Variants in RNGTT observed in about 807,000 individuals in gnomAD.
The protein encoded by RNGTT is mRNA-capping enzyme.
In RNGTT, 33 loss-of-function variants were observed where a neutral mutation model predicts 79.3. The ratio of observed to expected loss-of-function variants is 0.42; its 90% CI spans 0.32 to 0.56. The LOEUF is 0.56. Ranked by LOEUF, RNGTT falls within the 20% of genes least tolerant of loss-of-function variation. RNGTT has a pLI of 0.17. For synonymous variants in RNGTT, 222 were observed against 235.9 expected (o/e 0.94, Z 0.54); for missense variants, 497 against 739.1 (o/e 0.67, Z 3.80).
chr6:88,814,311 C>G (rs1280664721), intron 11 of RNGTT, among the ~76,000 whole-genome samples: 2 of 152,120 alleles, frequency 1.3e-5, no homozygotes, highest in Non-Finnish European at 2.9e-5. Context: ...GGTGAATTTC[C>G]TTTCTTCAAA....
chr6:88,674,496 T>C (rs371441992), intron 14 of RNGTT, among the ~76,000 whole-genome samples: 29 of 151,852 alleles, frequency 1.9e-4, no homozygotes, highest in African/African-American at 6.8e-4. Flanking sequence ...CTGCAGTGAG[T>C]TGTGATTGTG....
At chr6:88,692,453 C>CA (rs71754733) in intron 13 of RNGTT, among the ~76,000 whole-genome samples, 259 of 133,074 alleles carry the variant, frequency 1.9e-3, no homozygotes, top group African/African-American at 2.7e-3. Flanking sequence ...TAATACTCAG[C>CA]AAAAAAAAAA....
At chr6:88,658,905 T>G (rs747787216) in intron 14 of RNGTT, among the ~76,000 whole-genome samples, 84 of 152,268 alleles carry the variant, frequency 5.5e-4, no homozygotes, top group Non-Finnish European at 9.7e-4. Flanking sequence ...GGCCACAGAC[T>G]GAAGGCTGCA....
At chr6:88,820,640 A>G (rs540201758) in intron 11 of RNGTT, among the ~76,000 whole-genome samples, 1 of 152,320 alleles carries the variant, frequency 6.6e-6, no homozygotes, top group South Asian at 2.1e-4. Flanking sequence ...TGGTATACAG[A>G]AAAAATATCA....
At chr6:88,773,403 T>C (rs1778763542) in intron 12 of RNGTT, among the ~76,000 whole-genome samples, 1 of 149,746 alleles carries the variant, frequency 6.7e-6, no homozygotes, top group African/African-American at 2.4e-5. Flanking sequence ...CGCACCAGCA[T>C]GGCACATGTA....
chr6:88,860,287 T>C (rs1304850145), intron 8 of RNGTT, among the ~76,000 whole-genome samples: 1 of 152,176 alleles, frequency 6.6e-6, no homozygotes, highest in Non-Finnish European at 1.5e-5. Flanking sequence ...TACTGAGCCA[T>C]GGGGCATTTA....
chr6:88,734,141 G>A (rs942492053), intron 13 of RNGTT, among the ~76,000 whole-genome samples: 2 of 152,078 alleles, frequency 1.3e-5, no homozygotes, highest in Admixed American at 1.3e-4. Flanking sequence ...ACAGCATATA[G>A]TTCAGTGAAA....
chr6:88,799,779 CAAGA>C (rs1024141240), intron 12 of RNGTT, among the ~76,000 whole-genome samples: 1 of 151,136 alleles, frequency 6.6e-6, no homozygotes, highest in African/African-American at 2.4e-5. Context: ...ACTAGACATC[CAAGA>C]AAGAGACTCA....
At chr6:88,890,378 A>T in intron 8 of RNGTT, 117 bp downstream of exon 8, 1 of 647,972 alleles carries the variant, frequency 1.5e-6, no homozygotes. Context: ...TGAAACATTT[A>T]TTTTGCTATT....
chr6:88,687,790 G>C (rs1268313559), intron 13 of RNGTT, among the ~76,000 whole-genome samples: 1 of 152,174 alleles, frequency 6.6e-6, no homozygotes, highest in East Asian at 1.9e-4. Context: ...AAACTAAAGA[G>C]ACTGGTTTCC....
chr6:88,713,738 T>G (rs1421446264), intron 13 of RNGTT, among the ~76,000 whole-genome samples: 2 of 152,246 alleles, frequency 1.3e-5, no homozygotes, highest in Non-Finnish European at 2.9e-5. Context: ...AGAAAATATT[T>G]TTTTAAAATT....
At chr6:88,739,725 T>TTATATATATATATATA (rs367967175) in intron 13 of RNGTT, among the ~76,000 whole-genome samples, 6 of 94,156 alleles carry the variant, frequency 6.4e-5, no homozygotes, top group African/African-American at 9.2e-5. Flanking sequence ...GTGAAAAAAA[T>TTATATATATATATATA]TATATATATA....
At chr6:88,827,713 C>T (rs926133513) in intron 11 of RNGTT, among the ~76,000 whole-genome samples, 9 of 152,122 alleles carry the variant, frequency 5.9e-5, no homozygotes, top group African/African-American at 9.7e-5. Context: ...GGGGGAGGGG[C>T]GTCTGCCATT....
At chr6:88,904,137 G>T (rs547767393) in intron 6 of RNGTT, among the ~76,000 whole-genome samples, 27 of 152,134 alleles carry the variant, frequency 1.8e-4, no homozygotes, top group African/African-American at 6.3e-4. Flanking sequence ...ACAATACTTT[G>T]TAAAGAAATA....
chr6:88,683,082 G>A (rs550587487), intron 13 of RNGTT, among the ~76,000 whole-genome samples: 1 of 152,100 alleles, frequency 6.6e-6, no homozygotes, highest in South Asian at 2.1e-4. Context: ...CAAGAAATTA[G>A]AAAAATGACA....
At chr6:88,686,430 GA>G in intron 13 of RNGTT, among the ~76,000 whole-genome samples, 1 of 151,828 alleles carries the variant, frequency 6.6e-6, no homozygotes, top group Non-Finnish European at 1.5e-5. Context: ...AAGCTCATTC[GA>G]AAATATATGA....
At chr6:88,833,393 G>A (rs942928948) in intron 11 of RNGTT, among the ~76,000 whole-genome samples, 1 of 152,074 alleles carries the variant, frequency 6.6e-6, no homozygotes, top group African/African-American at 2.4e-5. Flanking sequence ...TGGACACAGG[G>A]AGGGGAACAT....
At chr6:88,897,220 C>T (rs1045177218) in intron 6 of RNGTT, among the ~76,000 whole-genome samples, 7 of 152,140 alleles carry the variant, frequency 4.6e-5, no homozygotes, top group African/African-American at 1.7e-4. Flanking sequence ...AGCCTCAGTG[C>T]CCCTTACCCT....
chr6:88,632,514 A>G (rs1421808642), intron 14 of RNGTT, among the ~76,000 whole-genome samples: 2 of 148,482 alleles, frequency 1.3e-5, no homozygotes, highest in African/African-American at 5.0e-5. Flanking sequence ...CAGTTTATAT[A>G]GCAACCAACT....
Sources: gnomAD v4.1 joint callset for allele counts (sites outside exome capture counted in the v4.1 genomes callset) on GRCh38, gnomAD v4.1.1 for gene constraint, MANE v1.5 for transcripts, NCBI Gene and HGNC (gene_info 2026-07-23, HGNC 2026-07-21) for gene names.